HDAC11: variants seen among roughly 807,000 people sequenced by gnomAD.
The protein encoded by HDAC11 is histone deacetylase 11.
A neutral mutation model predicts 41.1 loss-of-function variants in HDAC11; 23 were observed. The ratio of observed to expected loss-of-function variants is 0.56; its 90% CI spans 0.40 to 0.79. The LOEUF (loss-of-function observed/expected upper bound fraction) is 0.79. Among genes scored for constraint, HDAC11 ranks in the 30% least tolerant of loss-of-function variants. HDAC11 has a pLI of 0.00. For missense variants in HDAC11, 402 were observed against 477.3 expected (o/e 0.84, Z 1.47); for synonymous variants, 187 against 186.6 (o/e 1.00, Z -0.02).
At chr3:13,500,096 G>A (rs1482120664) in intron 5 of HDAC11, among the ~76,000 whole-genome samples, 3 of 152,116 alleles carry the variant, frequency 2.0e-5, no homozygotes, top group Middle Eastern at 3.2e-3. Context: ...GGGTGGGAGA[G>A]GCAAGTTCCT....
At chr3:13,484,922 G>A (rs1701489277) in intron 3 of HDAC11, among the ~76,000 whole-genome samples, 1 of 152,170 alleles carries the variant, frequency 6.6e-6, no homozygotes, top group African/African-American at 2.4e-5. Context: ...GCCTTGGTGG[G>A]GGTGGGGTCA....
intron 3 of HDAC11, among the ~76,000 whole-genome samples, chr3:13,491,666 G>A (rs1383736787): frequency 6.6e-6 from 1 of 152,250 alleles, no homozygotes; most frequent in African/African-American, 2.4e-5. Context: ...TGGGGCAGTA[G>A]GTCCCAGAGA....
intron 3 of HDAC11, among the ~76,000 whole-genome samples, chr3:13,494,073 G>A (rs1465234916): frequency 6.6e-6 from 1 of 152,246 alleles, no homozygotes; most frequent in Non-Finnish European, 1.5e-5. Flanking sequence ...GAGGCAGGCG[G>A]CATAAGCCAT....
chr3:13,497,314 G>C (rs1269794432), intron 4 of HDAC11, among the ~76,000 whole-genome samples: 1 of 152,032 alleles, frequency 6.6e-6, no homozygotes, highest in Non-Finnish European at 1.5e-5. Context: ...GAGTAGCTGG[G>C]ACTACAGGTG....
chr3:13,490,744 C>CTTTTTTTTTTTTT (rs59531656), intron 3 of HDAC11, among the ~76,000 whole-genome samples: 8 of 41,452 alleles, frequency 1.9e-4, no homozygotes, highest in Non-Finnish European at 2.9e-4. Context: ...GCATTTTTTT[C>CTTTTTTTTTTTTT]TTTTTTTTTT....
rs1356937506 is a variant in HDAC11 at position 13,491,069 on chromosome 3, TGTG to T, written c.253-5666_253-5664del. ...TGGCCTGTTTCTTAGCTTTAATAGT[TGTG>T]TGTGTGTGTGTGTGTGTGTGTGTGT... is the stretch of plus-strand genomic sequence containing the variant. On this transcript the variant is annotated intron_variant, in intron 3 of 9. Transcript: ENST00000295757. Among the ~76,000 whole-genome samples, 13 of 10,216 alleles carry T rather than the reference TGTG, an allele frequency of 1.3e-3. No individual in the cohort carries two copies. The East Asian group carries it at 0.097, about 76-fold the overall frequency. 6.7% of individuals were successfully genotyped at this position (10,216 alleles called of 152,430 possible).
chr3:13,484,713 CATT>C (rs776506181), intron 3 of HDAC11, among the ~76,000 whole-genome samples: 9 of 152,182 alleles, frequency 5.9e-5, no homozygotes, highest in Non-Finnish European at 1.2e-4. Flanking sequence ...ATGTGGCACT[CATT>C]ATAAGATTGT....
intron 4 of HDAC11, among the ~76,000 whole-genome samples, chr3:13,497,077 G>A (rs1702133854): frequency 6.6e-6 from 1 of 152,020 alleles, no homozygotes; most frequent in South Asian, 2.1e-4. Flanking sequence ...CCTCCTATTT[G>A]TTACCGTAAT....
At chr3:13,486,571 GTTTTTT>G (rs767002835) in intron 3 of HDAC11, among the ~76,000 whole-genome samples, 585 of 83,088 alleles carry the variant, frequency 7.0e-3, no homozygotes, top group Non-Finnish European at 0.011. Context: ...ATGTAGAGGT[GTTTTTT>G]TTTTTTTTTT....
intron 2 of HDAC11, among the ~76,000 whole-genome samples, chr3:13,483,152 C>T (rs1701401000): frequency 6.6e-6 from 1 of 151,998 alleles, no homozygotes; most frequent in African/African-American, 2.4e-5. Flanking sequence ...GGGTCAACAT[C>T]CCTGACCCTT....
intron 3 of HDAC11, among the ~76,000 whole-genome samples, chr3:13,486,896 A>ATCCCAGGCCT (rs1486776288): frequency 6.6e-6 from 1 of 152,148 alleles, no homozygotes; most frequent in Non-Finnish European, 1.5e-5. Context: ...ATAGCTTTGA[A>ATCCCAGGCCT]GGAAGAATGT....
intron 3 of HDAC11, among the ~76,000 whole-genome samples, chr3:13,492,724 A>C (rs1399086902): frequency 6.6e-6 from 1 of 151,960 alleles, no homozygotes; most frequent in African/African-American, 2.4e-5. Flanking sequence ...TTGTGTTTTT[A>C]ATGGACACCA....
chr3:13,504,012 G>C, intron 8 of HDAC11, 82 bp from the exon 9 acceptor site: 3 of 1,326,200 alleles, frequency 2.3e-6, no homozygotes, highest in Non-Finnish European at 3.2e-6. Context: ...CCAGTTTCCA[G>C]TCTTGCCTGG....
Position 13,502,346 on chromosome 3 carries a change from T to G in HDAC11, c.552+413T>G, listed in dbSNP as rs1702409596. The G allele has an allele frequency of 4.9e-6, 1 of 205,934 alleles. No homozygotes were observed. Among genetic ancestry groups the G allele is most frequent in the Non-Finnish European group, 9.8e-6 (1 of 102,134 alleles). The allele number at this position is 205,934 out of a possible 1,614,324, so 12.8% of individuals were successfully genotyped here. ...TGGCTCGGGCACCTGGGGTCACCAT[T>G]TAAGAACTCGGCGCCTAGGGAGTAA... On this transcript the variant is annotated intron_variant, in intron 7 of 9. Coordinates refer to ENST00000295757, the MANE Select transcript of HDAC11 (RefSeq NM_024827.4). This position sits in a 1 kb window ranked among gnomAD's most constrained non-coding sequence, Gnocchi z 4.1.
chr3:13,496,369 G>C (rs899966181), intron 3 of HDAC11, among the ~76,000 whole-genome samples: 7 of 152,200 alleles, frequency 4.6e-5, no homozygotes, highest in African/African-American at 1.7e-4. Context: ...TCTGTACAGT[G>C]GGTGGTCTAG....
At chr3:13,499,134 A>G (rs1376937854) in intron 5 of HDAC11, among the ~76,000 whole-genome samples, 4 of 152,204 alleles carry the variant, frequency 2.6e-5, no homozygotes, top group Non-Finnish European at 5.9e-5. Flanking sequence ...CTGGAGGCAC[A>G]GCACTTGACA....
At chr3:13,487,354 C>T (rs1010036246) in intron 3 of HDAC11, among the ~76,000 whole-genome samples, 1 of 152,204 alleles carries the variant, frequency 6.6e-6, no homozygotes, top group Non-Finnish European at 1.5e-5. Flanking sequence ...TGTGTAACAT[C>T]CACCGTCTCC....
intron 5 of HDAC11, among the ~76,000 whole-genome samples, chr3:13,499,422 G>C (rs776402124): frequency 2.0e-5 from 3 of 152,018 alleles, no homozygotes; most frequent in Non-Finnish European, 4.4e-5. Context: ...CGCCCACCTC[G>C]CTCGGCCTCC....
chr3:13,489,844 AG>A, intron 3 of HDAC11, among the ~76,000 whole-genome samples: 1 of 152,226 alleles, frequency 6.6e-6, no homozygotes, highest in East Asian at 1.9e-4. Flanking sequence ...CTGGGATTAC[AG>A]GCATGTGTGA....
Sources: allele counts gnomAD v4.1 joint callset (sites outside exome capture counted in the v4.1 genomes callset), GRCh38; gene constraint gnomAD v4.1.1; non-coding constraint Gnocchi (gnomAD v3.1); transcripts MANE v1.5; gene names NCBI Gene and HGNC (gene_info 2026-07-23, HGNC 2026-07-21).